Variants in ZDHHC3 observed in about 807,000 individuals in gnomAD.
The protein encoded by ZDHHC3 is zDHHC palmitoyltransferase 3, also known as palmitoyltransferase ZDHHC3.
In ZDHHC3, 9 loss-of-function variants were observed where a neutral mutation model predicts 30.6. The ratio of observed to expected loss-of-function variants is 0.29; its 90% CI spans 0.18 to 0.51. The LOEUF is 0.51. Among genes scored for constraint, ZDHHC3 ranks in the 20% least tolerant of loss-of-function variants. The pLI is 0.97. For missense variants in ZDHHC3, 246 were observed against 384.2 expected, an observed-to-expected ratio of 0.64 and a Z score of 3.01; for synonymous variants, 136 against 140.2, an observed-to-expected ratio of 0.97 and a Z score of 0.21.
chr3:44,937,202 T>G (rs908217379), intron 3 of ZDHHC3, among the ~76,000 whole-genome samples: 1 of 152,086 alleles, frequency 6.6e-6, no homozygotes, highest in Non-Finnish European at 1.5e-5. Flanking sequence ...CCCAGCACTC[T>G]GGGAGGCCGA....
rs959832444 is a variant in ZDHHC3, at chr3:44,923,904, A to G, written c.*2785T>C. The G allele has an allele frequency of 1.0e-6, 1 of 985,458 alleles. No individual in the cohort carries two copies. Among genetic ancestry groups the G allele is most frequent in the Non-Finnish European group, 1.2e-6 (1 of 829,938 alleles). The allele number at this position is 985,458 out of a possible 1,614,324, so 61.0% of individuals were successfully genotyped here. A position where few individuals can be genotyped will look rare whatever the true frequency, so the allele number is the denominator to read the frequency against. ...CCCAAATGTGTTTTGTGTACATGAT[A>G]TTACCAAGCCCATGCAAATATGCAT... On this transcript the variant is annotated 3_prime_UTR_variant, in exon 7 of 7. Transcript: ENST00000424952.
At position 44,925,166 on chromosome 3, in the gene ZDHHC3, G is replaced by C; in HGVS notation, c.*1523C>G. ...AACACCTCAAGAGAGAGCTAAATCA[G>C]AACAGGTTTTGGAAAAATTTTATTG... On this transcript the variant is annotated 3_prime_UTR_variant, in exon 7 of 7. Transcript: ENST00000424952. The C allele has an allele frequency of 1.0e-6, 1 of 985,904 alleles. No individual in the cohort carries two copies. The highest frequency in any genetic ancestry group is 1.2e-6 in the Non-Finnish European group (1 of 829,932). The allele number at this position is 985,904 out of a possible 1,614,324, so 61.1% of individuals were successfully genotyped here.
At chr3:44,943,358 C>T (rs1050866360) in intron 3 of ZDHHC3, among the ~76,000 whole-genome samples, 1 of 152,128 alleles carries the variant, frequency 6.6e-6, no homozygotes, top group South Asian at 2.1e-4. Flanking sequence ...GGAGGCCATC[C>T]CTGCAGCAAT....
intron 5 of ZDHHC3, 168 bp downstream of exon 5, chr3:44,932,950 G>A: frequency 1.2e-6 from 2 of 1,614,162 alleles, no homozygotes; most frequent in Non-Finnish European, 1.7e-6. Context: ...CATGAAGAGA[G>A]ATTCCAGTCT....
At chr3:44,950,072 C>T (rs757027206) in intron 2 of ZDHHC3, among the ~76,000 whole-genome samples, 1 of 152,102 alleles carries the variant, frequency 6.6e-6, no homozygotes, top group Non-Finnish European at 1.5e-5. Flanking sequence ...TGGACTCAAG[C>T]GATCCTCCTG....
At chr3:44,964,874 G>A (rs539093990) in intron 1 of ZDHHC3, among the ~76,000 whole-genome samples, 7 of 152,098 alleles carry the variant, frequency 4.6e-5, no homozygotes, top group Non-Finnish European at 8.8e-5. Context: ...AAGAGTTAGC[G>A]CCTCCATATA....
intron 1 of ZDHHC3, among the ~76,000 whole-genome samples, chr3:44,964,079 G>A (rs990780875): frequency 6.6e-6 from 1 of 152,100 alleles, no homozygotes; most frequent in East Asian, 1.9e-4. Flanking sequence ...ATTTAGCTCT[G>A]TAGCCTAGTG....
At chr3:44,974,244 A>G (rs1705676912) in intron 1 of ZDHHC3, among the ~76,000 whole-genome samples, 2 of 152,184 alleles carry the variant, frequency 1.3e-5, no homozygotes, top group African/African-American at 4.8e-5. Flanking sequence ...TCCAGTATGG[A>G]ATTCCCGTCA....
chr3:44,937,978 G>T, intron 3 of ZDHHC3: 1 of 434,944 alleles, frequency 2.3e-6, no homozygotes, highest in Non-Finnish European at 4.6e-6. Flanking sequence ...GTTAAACACA[G>T]CGGAAATACC....
At chr3:44,938,219 A>G (rs1702143492) in intron 3 of ZDHHC3, 1 of 187,898 alleles carries the variant, frequency 5.3e-6, no homozygotes, top group Non-Finnish European at 1.1e-5. Context: ...CCTCACCTCA[A>G]GTGATCCCCC....
chr3:44,949,136 G>A (rs1056273328), intron 2 of ZDHHC3, among the ~76,000 whole-genome samples: 8 of 151,906 alleles, frequency 5.3e-5, no homozygotes, highest in African/African-American at 9.7e-5. Flanking sequence ...TCTGCAAAAT[G>A]TAGTCAGATG....
Position 44,920,131 on chromosome 3 carries a change from T to C in ZDHHC3, c.*6558A>G. The C allele has an allele frequency of 8.0e-7, 1 of 1,247,470 alleles. No homozygotes were observed. The highest frequency in any genetic ancestry group is 1.3e-5 in the South Asian group (1 of 76,770). The allele number at this position is 1,247,470 out of a possible 1,614,324, so 77.3% of individuals were successfully genotyped here. A position where few individuals can be genotyped will look rare whatever the true frequency, so the allele number is the denominator to read the frequency against. ...TACCAATGAGCCAATGTTACTTTTA[T>C]AATCAGAACAAAAATAGTTGTTTCA... On this transcript the variant is annotated 3_prime_UTR_variant, in exon 7 of 7. Transcript: ENST00000424952.
intron 3 of ZDHHC3, among the ~76,000 whole-genome samples, chr3:44,943,798 G>A (rs894522539): frequency 6.6e-6 from 1 of 152,096 alleles, no homozygotes; most frequent in African/African-American, 2.4e-5. Flanking sequence ...TTGAGCCCAG[G>A]AGTTCGAGAC....
At position 44,924,695 on chromosome 3, in the gene ZDHHC3, A is replaced by G. The variant is rs74775377; in HGVS notation, c.*1994T>C. On this transcript the variant is annotated 3_prime_UTR_variant, in exon 7 of 7. Transcript: ENST00000424952. ...ATTACCAATCTCTTCCCCCTAGGGGAGGGCCAGAGCTGTAGCCCTGCTCTA... is the reference window on the plus strand; with the variant it reads ...ATTACCAATCTCTTCCCCCTAGGGGGGGGCCAGAGCTGTAGCCCTGCTCTA... The G allele has an allele frequency of 5.2e-3, 5,089 of 985,464 alleles. 17 individuals carry two copies. The highest frequency in any genetic ancestry group is 6.9e-3 in the South Asian group (146 of 21,290). 61.0% of individuals were successfully genotyped at this position (985,464 alleles called of 1,614,324 possible). A position where few individuals can be genotyped will look rare whatever the true frequency, so the allele number is the denominator to read the frequency against.
intron 4 of ZDHHC3, 25 bp downstream of exon 4, chr3:44,933,863 G>A: frequency 6.2e-7 from 1 of 1,606,214 alleles, no homozygotes; most frequent in Non-Finnish European, 8.5e-7. Flanking sequence ...ATGGGGGGCA[G>A]GGCAGAATTT....
At chr3:44,927,161 C>A (rs1302608798) in intron 6 of ZDHHC3, among the ~76,000 whole-genome samples, 2 of 152,088 alleles carry the variant, frequency 1.3e-5, no homozygotes, top group East Asian at 3.9e-4. Context: ...CAGCCCTGGC[C>A]CCTTGTTGAG....
At chr3:44,941,913 T>A (rs555348953) in intron 3 of ZDHHC3, among the ~76,000 whole-genome samples, 1 of 152,248 alleles carries the variant, frequency 6.6e-6, no homozygotes, top group South Asian at 2.1e-4. Context: ...GCCATGGCCA[T>A]CCACATTAGC....
At position 44,926,850 on chromosome 3, in the gene ZDHHC3, G is replaced by A; in HGVS notation, c.742-3C>T. ...TCCTTTTTCAATTGTTCTATTCCCT[G>A]AAAACAAGAACAATCATACTTTCAG... On this transcript the variant is annotated splice_polypyrimidine_tract_variant and splice_region_variant and intron_variant, in intron 6 of 6. Transcript: ENST00000424952. The A allele has an allele frequency of 6.3e-7, 1 of 1,599,172 alleles. No homozygotes were observed. The highest frequency in any genetic ancestry group is 8.5e-7 in the Non-Finnish European group (1 of 1,173,306).
At position 44,925,957 on chromosome 3, in the gene ZDHHC3, C is replaced by A. The variant is rs945247374; in HGVS notation, c.*732G>T. 31 of 985,670 alleles carry A rather than the reference C, an allele frequency of 3.1e-5. No individual in the cohort carries two copies. Among genetic ancestry groups the A allele is most frequent in the Middle Eastern group, 5.2e-4 (1 of 1,936 alleles). The allele number at this position is 985,670 out of a possible 1,614,324, so 61.1% of individuals were successfully genotyped here. On this transcript the variant is annotated 3_prime_UTR_variant, in exon 7 of 7. Transcript: ENST00000424952. ...TCTTGATTGTATAAGGCATTTTGAA[C>A]TGGAAAAACGTCTTTCCTACACACT...
Sources: gnomAD v4.1 joint callset for allele counts (sites outside exome capture counted in the v4.1 genomes callset) on GRCh38, gnomAD v4.1.1 for gene constraint, MANE v1.5 for transcripts, NCBI Gene and HGNC (gene_info 2026-07-23, HGNC 2026-07-21) for gene names.